The following CRLF2 variants were observed in gnomAD, a reference collection of about 807,000 sequenced individuals.
CRLF2 encodes cytokine receptor-like factor 2.
In CRLF2, 41 loss-of-function variants were observed where a neutral mutation model predicts 38.7. The observed-to-expected ratio is 1.06, with a 90% confidence interval of 0.83 to 1.37. The LOEUF (loss-of-function observed/expected upper bound fraction) is 1.37. Ranked by LOEUF, CRLF2 falls within the 40% of genes most tolerant of loss-of-function variation. CRLF2 has a pLI of 0.00. For missense variants in CRLF2, 377 were observed against 322.2 expected (o/e 1.17, Z -1.30); for synonymous variants, 140 against 128.8 (o/e 1.09, Z -0.59).
In CRLF2 at chrX:1,206,666, G is replaced by A; in HGVS notation, c.183-67C>T. ...AGCATGTCTTATTTATTTAGAGATGGGGTCTTGCTCTTGTCGCCCAGGTTG... is the reference window on the plus strand; with the variant it reads ...AGCATGTCTTATTTATTTAGAGATGAGGTCTTGCTCTTGTCGCCCAGGTTG... On this transcript the variant is annotated intron_variant, in intron 2 of 7. Coordinates refer to ENST00000400841, the MANE Select transcript of CRLF2 (RefSeq NM_022148.4). 2.7e-6 allele frequency: 4 copies of A among 1,504,614 alleles called. No individual in the cohort carries two copies. In the South Asian group the frequency reaches 4.6e-5, roughly 17 times the overall value. 93.2% of individuals were successfully genotyped at this position (1,504,614 alleles called of 1,614,324 possible).
chrX:1,193,444 C>T, intron 6 of CRLF2, 142 bp from the exon 7 acceptor site: 1 of 395,844 alleles, frequency 2.5e-6, no homozygotes. Context: ...TGTGTCTCCT[C>T]CCGCTCCCCA....
chrX:1,205,075 C>T (rs2086668635), intron 3 of CRLF2, among the ~76,000 whole-genome samples: 1 of 152,252 alleles, frequency 6.6e-6, no homozygotes, highest in Non-Finnish European at 1.5e-5. Flanking sequence ...GATCCGCCCG[C>T]CTTGGCCTCC....
intron 2 of CRLF2, among the ~76,000 whole-genome samples, chrX:1,206,826 G>A (rs2086699319): frequency 6.6e-6 from 1 of 150,578 alleles, no homozygotes; most frequent in South Asian, 2.1e-4. Context: ...TAGTTTTACT[G>A]GAGACAGGGT....
chrX:1,201,340 C>CTGTGTGTG (rs781871855), intron 4 of CRLF2, among the ~76,000 whole-genome samples: 2 of 149,970 alleles, frequency 1.3e-5, no homozygotes, highest in African/African-American at 2.5e-5. Context: ...GTTTGTGTGT[C>CTGTGTGTG]TGTGTGTGTG....
rs2147841544 is a variant in CRLF2, at chrX:1,202,429, G to A, written c.456C>T (p.Tyr152=). The A allele has an allele frequency of 6.2e-6, 10 of 1,613,672 alleles. No individual in the cohort carries two copies. The highest frequency in any genetic ancestry group is 8.5e-6 in the Non-Finnish European group (10 of 1,179,662). ...GCCACTCGGTGTCGAAGGGGCTCCG[G>A]TACTGAACCTCATAGAGGAGATCCC... ...SYGDLLYEVQ[Y]RSPFDTEWQS... is the part of the protein sequence containing the mutation. The change falls in exon 4 of 8, where the codon TAC becomes TAT. Residue 152 remains tyrosine, a synonymous_variant. Transcript: ENST00000400841.
Position 1,202,459 on chromosome X carries a change from G to A in CRLF2, c.426C>T (p.Ser142=). ...DAVTVTCSDL[S]YGDLLYEVQY... ...GAACCTCATAGAGGAGATCCCCGTA[G>A]GACAGGTCAGAACACGTCACCGTCA... Residue 142 remains serine (S), a synonymous_variant, in exon 4 of 8, where the codon TCC becomes TCT. Transcript: ENST00000400841. 6.2e-7 allele frequency: 1 copy of A among 1,613,700 alleles called. No homozygotes were observed. The highest frequency in any genetic ancestry group is 1.3e-5 in the African/African-American group (1 of 75,020).
chrX:1,206,300 T>C (rs561916974), intron 3 of CRLF2, 133 bp downstream of exon 3: 4 of 778,810 alleles, frequency 5.1e-6, no homozygotes, highest in East Asian at 4.9e-5. Context: ...CTGAAAGGCA[T>C]GGTGAGCTTG....
intron 2 of CRLF2, among the ~76,000 whole-genome samples, chrX:1,208,513 T>G (rs778561655): frequency 6.6e-6 from 1 of 152,096 alleles, no homozygotes; most frequent in South Asian, 2.1e-4. Context: ...GAGCCGAGAT[T>G]GCGCCACTGC....
intron 4 of CRLF2, 175 bp from the exon 5 acceptor site, chrX:1,198,899 A>C (rs2086551049): frequency 3.0e-6 from 2 of 674,416 alleles, no homozygotes; most frequent in Non-Finnish European, 5.1e-6. Flanking sequence ...CTGTAAACCC[A>C]ACGCTTTGGG....
At chrX:1,212,455 C>T (rs1452884218) in intron 1 of CRLF2, 101 bp downstream of exon 1, 1 of 648,456 alleles carries the variant, frequency 1.5e-6, no homozygotes, top group South Asian at 2.3e-5. Flanking sequence ...AAGAAAGAAA[C>T]CTCCATGCTC....
In CRLF2 at chrX:1,198,946, C is replaced by A. The variant is rs755614547; in HGVS notation, c.484-222G>T. On this transcript the variant is annotated intron_variant, in intron 4 of 7. Transcript: ENST00000400841. ...GGTGGATCACCTGAGGTCGCAAGTT[C>A]GAGACCAGCCTGGCCAACATGGAGA... is the stretch of plus-strand genomic sequence containing the variant. 59 of 580,038 alleles carry A rather than the reference C, an allele frequency of 1.0e-4. No homozygotes were observed. The East Asian group carries it at 1.8e-3, about 18-fold the overall frequency. 35.9% of individuals were successfully genotyped at this position (580,038 alleles called of 1,614,324 possible).
At chrX:1,212,055 T>G (rs1201748258) in intron 1 of CRLF2, among the ~76,000 whole-genome samples, 2 of 150,548 alleles carry the variant, frequency 1.3e-5, no homozygotes, top group Non-Finnish European at 1.5e-5. Context: ...GATGGCTGGG[T>G]GGGTTGATGG....
chrX:1,210,128 A>AAAGAAAAGAG lies in CRLF2; in HGVS notation c.80-1221_80-1220insCTCTTTTCTT, dbSNP rs1215405769. The stretch of plus-strand genomic sequence containing the variant: ...CAAAAAAAAAAAAGAAAAGAAAAGA[A>AAAGAAAAGAG]AAGAAAAGAAAAGAAAAGAAATGGG... On this transcript the variant is annotated intron_variant, in intron 1 of 7. Coordinates refer to ENST00000400841, the MANE Select transcript of CRLF2 (RefSeq NM_022148.4). Among the ~76,000 whole-genome samples the AAAGAAAAGAG allele has an allele frequency of 9.0e-4, 74 of 82,234 alleles. 2 individuals are homozygous for AAAGAAAAGAG. In the East Asian group the frequency reaches 0.018, roughly 19 times the overall value. The allele number at this position is 82,234 out of a possible 152,430, so 53.9% of individuals were successfully genotyped here.
chrX:1,199,741 T>C (rs2086566031), intron 4 of CRLF2, among the ~76,000 whole-genome samples: 1 of 152,004 alleles, frequency 6.6e-6, no homozygotes, highest in Admixed American at 6.6e-5. Context: ...TGTATATTTA[T>C]ATATGTGTGT....
chrX:1,210,863 G>T (rs1459023797), intron 1 of CRLF2, among the ~76,000 whole-genome samples: 1 of 152,184 alleles, frequency 6.6e-6, no homozygotes, highest in Non-Finnish European at 1.5e-5. Context: ...GAAGACAAGT[G>T]GATGGGTGGG....
Position 1,212,590 on chromosome X carries a change from C to T in CRLF2, c.45G>A (p.Leu15=), listed in dbSNP as rs749933513. Residue 15 remains leucine, a synonymous_variant, in exon 1 of 8, where the codon CTG becomes CTA. Transcript: ENST00000400841. ...CTTGCCCCAAAGCCATCCAGCCTCC[C>T]AGCAGAAAGACGGCAGCTCCCCACA... The part of the protein sequence containing the change: ...VLLWGAAVFL[L]GGWMALGQGG... 1 of 1,612,830 alleles carries T rather than the reference C, an allele frequency of 6.2e-7. No homozygotes were observed. The highest frequency in any genetic ancestry group is 8.5e-7 in the Non-Finnish European group (1 of 1,179,362).
intron 2 of CRLF2, among the ~76,000 whole-genome samples, chrX:1,207,802 G>T (rs1452576953): frequency 6.8e-6 from 1 of 147,810 alleles, no homozygotes; most frequent in East Asian, 2.1e-4. Context: ...GGCACCTGCC[G>T]CCACGCCCGG....
Position 1,196,835 on chromosome X carries a change from G to A in CRLF2, c.712C>T (p.Leu238=). 6.2e-7 allele frequency: 1 copy of A among 1,613,516 alleles called. No homozygotes were observed. Among genetic ancestry groups the A allele is most frequent in the Non-Finnish European group, 8.5e-7 (1 of 1,179,510 alleles). ...KLSKFILISS[L]AILLMVSLLL... is the part of the protein sequence containing the mutation. ...AGAGACACCATCAGAAGGATGGCCAGGCTGGAAATTAAAATAAATTTGGAC... is the reference window on the plus strand; with the variant it reads ...AGAGACACCATCAGAAGGATGGCCAAGCTGGAAATTAAAATAAATTTGGAC... The change falls in exon 6 of 8, where the codon CTG becomes TTG. Residue 238 remains leucine (L), a synonymous_variant. Transcript: ENST00000400841.
chrX:1,191,395 T>A, intron 7 of CRLF2, among the ~76,000 whole-genome samples: 1 of 148,346 alleles, frequency 6.7e-6, no homozygotes, highest in Non-Finnish European at 1.5e-5. Flanking sequence ...TCTCTTTCTC[T>A]CTTTCTTTCT....
Sources: allele counts gnomAD v4.1 joint callset (sites outside exome capture counted in the v4.1 genomes callset), GRCh38; gene constraint gnomAD v4.1.1; transcripts MANE v1.5; gene names NCBI Gene and HGNC (gene_info 2026-07-23, HGNC 2026-07-21).